SLC17A2: variants seen among roughly 807,000 people sequenced by gnomAD.
The protein encoded by SLC17A2 is sodium-dependent phosphate transport protein 3.
In SLC17A2, 38 loss-of-function variants were observed where a neutral mutation model predicts 52.1. The observed-to-expected ratio is 0.73, with a 90% confidence interval of 0.56 to 0.96. The LOEUF is 0.96. Among genes scored for constraint, SLC17A2 ranks in the 40% least tolerant of loss-of-function variants. The pLI is 0.00. For synonymous variants in SLC17A2, 226 were observed against 211.9 expected, an observed-to-expected ratio of 1.07 and a Z score of -0.58; for missense variants, 508 against 583.9, an observed-to-expected ratio of 0.87 and a Z score of 1.34.
chr6:25,929,080 A>T (rs1287432001), intron 1 of SLC17A2, among the ~76,000 whole-genome samples: 31 of 152,094 alleles, frequency 2.0e-4, no homozygotes, highest in Admixed American at 2.0e-3. Flanking sequence ...TTGCTCTTAG[A>T]TTCTCCTAAT....
At chr6:25,920,951 A>G (rs1766528550) in intron 5 of SLC17A2, 55 bp downstream of exon 5, 1 of 1,498,080 alleles carries the variant, frequency 6.7e-7, no homozygotes. Flanking sequence ...ATAGAAGATA[A>G]GACACAGTGG....
chr6:25,915,177 A>ATATATATATATATATATG (rs1554137783), intron 10 of SLC17A2, among the ~76,000 whole-genome samples: 1,249 of 107,868 alleles, frequency 0.012, 126 homozygotes, highest in Non-Finnish European at 0.016. Context: ...ATATATATAT[A>ATATATATATATATATATG]TGGTAGCTAA....
chr6:25,923,898 A>G lies in SLC17A2; in HGVS notation c.37T>C (p.Phe13Leu), dbSNP rs1766656138. The change falls in exon 3 of 12, where the codon TTC becomes CTC. Residue 13 changes from phenylalanine (F) to leucine (L), a missense_variant. Transcript: ENST00000377850. ...GKPATRKGPD[F>L]CSLRYGLALI... is the part of the protein sequence containing the mutation. Reference sequence around the variant, plus strand: ...GCCAGCCCATAGCGTAATGAACAGAAATCTGGACCTAGACAACAACACAGA... The same window carrying G: ...GCCAGCCCATAGCGTAATGAACAGAGATCTGGACCTAGACAACAACACAGA... 1 of 1,613,874 alleles carries G rather than the reference A, an allele frequency of 6.2e-7. No homozygotes were observed. The highest frequency in any genetic ancestry group is 1.3e-5 in the African/African-American group (1 of 75,052).
chr6:25,930,643 T>C lies in SLC17A2; in HGVS notation c.-450A>G, dbSNP rs987958030. On this transcript the variant is annotated 5_prime_UTR_variant, in exon 1 of 12. Transcript: ENST00000377850. ...CCCTTTCAAATACTTTTGCAGATTT[T>C]TACAGGGATAAATAGTGAGCCACGT... 2.0e-5 allele frequency: 3 copies of C among 152,186 alleles called. No homozygotes were observed. Among genetic ancestry groups the C allele is most frequent in the Non-Finnish European group, 4.4e-5 (3 of 68,050 alleles). The allele number at this position is 152,186 out of a possible 1,614,324, so 9.4% of individuals were successfully genotyped here. A position where few individuals can be genotyped will look rare whatever the true frequency, so the allele number is the denominator to read the frequency against.
intron 1 of SLC17A2, among the ~76,000 whole-genome samples, chr6:25,927,094 T>G (rs1766795004): frequency 1.3e-5 from 2 of 152,016 alleles, no homozygotes; most frequent in South Asian, 4.2e-4. Context: ...AACACATATA[T>G]CAAACCTCTA....
At position 25,915,149 on chromosome 6, in the gene SLC17A2, G is replaced by GTATATATATA. The variant is rs59580107; in HGVS notation, c.1211+340_1211+349dup. ...GCACAGGAGCTGGCTTATTGTGACTGTATATATATATATATATATATATAT... is the reference window on the plus strand; with the variant it reads ...GCACAGGAGCTGGCTTATTGTGACTGTATATATATATATATATATATATATATATATATAT... On this transcript the variant is annotated intron_variant, in intron 10 of 11. Coordinates refer to ENST00000377850, the MANE Select transcript of SLC17A2 (RefSeq NM_001286123.3). Among the ~76,000 whole-genome samples the GTATATATATA allele has an allele frequency of 4.9e-3, 283 of 57,860 alleles. 13 individuals are homozygous for GTATATATATA. Among genetic ancestry groups the GTATATATATA allele is most frequent in the Non-Finnish European group, 6.3e-3 (154 of 24,588 alleles). 38.0% of individuals were successfully genotyped at this position (57,860 alleles called of 152,430 possible).
intron 1 of SLC17A2, among the ~76,000 whole-genome samples, chr6:25,926,998 A>T (rs1244016250): frequency 1.3e-5 from 2 of 152,192 alleles, no homozygotes; most frequent in African/African-American, 4.8e-5. Context: ...CCCAAGAGGC[A>T]AAGGTTGCAG....
chr6:25,925,956 T>C, intron 1 of SLC17A2, 77 bp from the exon 2 acceptor site: 1 of 780,214 alleles, frequency 1.3e-6, no homozygotes, highest in Non-Finnish European at 2.2e-6. Flanking sequence ...TTAGCATCAG[T>C]AAAAGTTTTG....
At chr6:25,920,474 C>G (rs1242154747) in intron 5 of SLC17A2, among the ~76,000 whole-genome samples, 1 of 152,180 alleles carries the variant, frequency 6.6e-6, no homozygotes, top group Non-Finnish European at 1.5e-5. Flanking sequence ...CTCCACCTTC[C>G]TTAACTCCCT....
At chr6:25,929,173 G>A (rs761544192) in intron 1 of SLC17A2, among the ~76,000 whole-genome samples, 6 of 152,152 alleles carry the variant, frequency 3.9e-5, no homozygotes, top group Non-Finnish European at 7.3e-5. Context: ...CAAAGAGCAT[G>A]AACCTGCAGT....
chr6:25,913,780 T>G (rs201547579), intron 11 of SLC17A2, among the ~76,000 whole-genome samples: 4 of 149,490 alleles, frequency 2.7e-5, no homozygotes, highest in African/African-American at 4.9e-5. Context: ...TCTGTTTTTT[T>G]TTGTTGTTGT....
At chr6:25,920,214 C>T (rs966316378) in intron 5 of SLC17A2, among the ~76,000 whole-genome samples, 2 of 152,154 alleles carry the variant, frequency 1.3e-5, no homozygotes, top group African/African-American at 2.4e-5. Flanking sequence ...CAGGATGCAG[C>T]TGTGTAGTGG....
At chr6:25,921,149 C>T (rs1766541250) in intron 4 of SLC17A2, 30 bp downstream of exon 4, 1 of 1,613,134 alleles carries the variant, frequency 6.2e-7, no homozygotes, top group African/African-American at 1.3e-5. Flanking sequence ...AAATCTGGAT[C>T]CCACCAAGAA....
At chr6:25,917,586 A>G (rs190509755) in intron 6 of SLC17A2, among the ~76,000 whole-genome samples, 2 of 152,352 alleles carry the variant, frequency 1.3e-5, no homozygotes, top group South Asian at 4.1e-4. Context: ...CCCAAAAGAA[A>G]TATTTTTGTA....
intron 2 of SLC17A2, among the ~76,000 whole-genome samples, chr6:25,924,427 C>T (rs9358895): frequency 0.35 from 53,040 of 151,722 alleles, 10,388 homozygotes; most frequent in East Asian, 0.7. Context: ...ATGAGCACTT[C>T]GACTAATTCC....
At chr6:25,922,586 G>A (rs963036850) in intron 3 of SLC17A2, among the ~76,000 whole-genome samples, 6 of 152,110 alleles carry the variant, frequency 3.9e-5, no homozygotes, top group East Asian at 1.9e-4. Flanking sequence ...ATATGTAGAC[G>A]GGATAATGGA....
In SLC17A2 at chr6:25,924,923, C is replaced by G. The variant is rs1210758039; in HGVS notation, c.28+846G>C. Among the ~76,000 whole-genome samples the G allele has an allele frequency of 3.9e-5, 6 of 152,130 alleles. No individual in the cohort carries two copies. In the East Asian group the frequency reaches 1.2e-3, roughly 29 times the overall value. On this transcript the variant is annotated intron_variant, in intron 2 of 11. Transcript: ENST00000377850. ...CAAATTTTTTCTTTAAAAGCATCCC[C>G]ATAAAATGGAACAACCACAGACCAA...
At chr6:25,922,358 G>GA (rs1766592612) in intron 3 of SLC17A2, among the ~76,000 whole-genome samples, 1 of 152,164 alleles carries the variant, frequency 6.6e-6, no homozygotes, top group Non-Finnish European at 1.5e-5. Context: ...TATCTCATCG[G>GA]AAAAAATAGC....
rs777932821 is a variant in SLC17A2, at chr6:25,918,534, C to A, written c.602G>T (p.Gly201Val). ...FGSFIILCVG[G>V]LISQALSWPF... is the part of the protein sequence containing the mutation. ...CCAGCTCAAGGCCTGTGAGATTAGT[C>A]CCCCCACACAGAGGATGATGAAGGA... The change falls in exon 6 of 12, where the codon GGA becomes GTA. Residue 201 changes from glycine to valine, a missense_variant. By Grantham distance (109) the Gly-to-Val change is moderately radical. Coordinates refer to ENST00000377850, the MANE Select transcript of SLC17A2 (RefSeq NM_001286123.3). 5.6e-6 allele frequency: 9 copies of A among 1,613,058 alleles called. No individual in the cohort carries two copies. The highest frequency in any genetic ancestry group is 3.3e-5 in the Admixed American group (2 of 59,982).
Sources: gnomAD v4.1 joint callset for allele counts (sites outside exome capture counted in the v4.1 genomes callset) on GRCh38, gnomAD v4.1.1 for gene constraint, MANE v1.5 for transcripts, NCBI Gene and HGNC (gene_info 2026-07-23, HGNC 2026-07-21) for gene names.